Variants in KIF13B observed in about 807,000 individuals in gnomAD.
KIF13B encodes the protein kinesin family member 13B.
A neutral mutation model predicts 222.0 loss-of-function variants in KIF13B; 127 were observed. That is an observed-to-expected ratio of 0.57 (90% CI 0.50 to 0.66). The LOEUF is 0.66. Among genes scored for constraint, KIF13B ranks in the 30% least tolerant of loss-of-function variants. KIF13B has a pLI of 0.00. For missense variants in KIF13B, 2,173 were observed against 2,379.0 expected (o/e 0.91, Z 1.80); for synonymous variants, 976 against 919.0 (o/e 1.06, Z -1.12).
At position 29,140,498 on chromosome 8, in the gene KIF13B, G is replaced by A. The variant is rs184111514; in HGVS notation, c.2454C>T (p.Tyr818=). ...ESLFYDVKLQ[Y]AVPIINQKGE... is the part of the protein sequence containing the mutation. ...CTTTCTGGTTGATGATGGGAACAGC[G>A]TATTGTAACTTCACATCATAGAAAA... The change falls in exon 20 of 40, where the codon TAC becomes TAT. Residue 818 remains tyrosine, a synonymous_variant. Coordinates refer to ENST00000524189, the MANE Select transcript of KIF13B (RefSeq NM_015254.4). The A allele has an allele frequency of 2.1e-5, 34 of 1,613,904 alleles. No homozygotes were observed. The highest frequency in any genetic ancestry group is 1.0e-4 in the Admixed American group (6 of 60,014).
At chr8:29,263,094 G>T (rs918735910), upstream of KIF13B, 2 of 1,521,192 alleles carry the variant, frequency 1.3e-6, no homozygotes, top group Admixed American at 4.0e-5. Context: ...GCGACTCTTC[G>T]GGGTTGACCC....
intron 2 of KIF13B, among the ~76,000 whole-genome samples, chr8:29,224,666 C>CCA (rs1304809721): frequency 2.6e-5 from 4 of 151,246 alleles, no homozygotes; most frequent in Admixed American, 2.6e-4. Flanking sequence ...TATAGAACCC[C>CCA]CCCCCATTCA....
At chr8:29,234,651 G>T (rs1221008605) in intron 2 of KIF13B, among the ~76,000 whole-genome samples, 1 of 134,514 alleles carries the variant, frequency 7.4e-6, no homozygotes. Context: ...ATGGTTAAAT[G>T]ATTAATTTTC....
intron 3 of KIF13B, among the ~76,000 whole-genome samples, chr8:29,195,974 A>G (rs533513912): frequency 6.6e-6 from 1 of 152,396 alleles, no homozygotes; most frequent in Non-Finnish European, 1.5e-5. Context: ...GAGACCAGCC[A>G]GAAGTGGTCA....
chr8:29,074,007 T>G (rs944129985), intron 38 of KIF13B, among the ~76,000 whole-genome samples: 1 of 152,236 alleles, frequency 6.6e-6, no homozygotes, highest in Non-Finnish European at 1.5e-5. Context: ...ATTTTAGTTT[T>G]AATATCACTG....
intron 13 of KIF13B, among the ~76,000 whole-genome samples, chr8:29,158,755 A>G (rs979106504): frequency 6.6e-6 from 1 of 152,192 alleles, no homozygotes; most frequent in Non-Finnish European, 1.5e-5. Flanking sequence ...AGAAATCAAC[A>G]CTGCCTCAGA....
chr8:29,157,659 C>T (rs916722714), intron 13 of KIF13B, among the ~76,000 whole-genome samples: 2 of 151,682 alleles, frequency 1.3e-5, no homozygotes, highest in East Asian at 3.9e-4. Flanking sequence ...GAGCTGAGAT[C>T]GTGCCACTGC....
In KIF13B at chr8:29,208,187, T is replaced by C. The variant is rs1396861456; in HGVS notation, c.150-11988A>G. Among the ~76,000 whole-genome samples the C allele has an allele frequency of 5.9e-5, 9 of 152,318 alleles. No individual in the cohort carries two copies. In the East Asian group the frequency reaches 1.3e-3, roughly 23 times the overall value. On this transcript the variant is annotated intron_variant, in intron 2 of 39. Transcript: ENST00000524189. ...ATTGGTTGAAATGACCAAAAAAGTATCCTTTTTGGTGCTTAATGAGGTTTC... is the reference window on the plus strand; with the variant it reads ...ATTGGTTGAAATGACCAAAAAAGTACCCTTTTTGGTGCTTAATGAGGTTTC...
intron 37 of KIF13B, among the ~76,000 whole-genome samples, chr8:29,077,948 C>T (rs191207856): frequency 1.4e-4 from 22 of 151,934 alleles, no homozygotes; most frequent in Non-Finnish European, 2.4e-4. Context: ...ATAAGCAAAT[C>T]ACTAAAATCA....
chr8:29,188,721 C>G, intron 4 of KIF13B, 114 bp from the exon 5 acceptor site: 1 of 668,306 alleles, frequency 1.5e-6, no homozygotes, highest in Non-Finnish European at 2.5e-6. Flanking sequence ...TATCTCCAAA[C>G]AAGATTTTTA....
intron 14 of KIF13B, among the ~76,000 whole-genome samples, chr8:29,154,372 G>A (rs1811425115): frequency 6.6e-6 from 1 of 151,928 alleles, no homozygotes; most frequent in African/African-American, 2.4e-5. Context: ...AGAGGAGGAA[G>A]TGAGGCACAG....
Position 29,262,986 on chromosome 8 carries a change from G to C in KIF13B, c.49C>G (p.Arg17Gly). 1 of 1,592,118 alleles carries C rather than the reference G, an allele frequency of 6.3e-7. No homozygotes were observed. The highest frequency in any genetic ancestry group is 1.4e-5 in the African/African-American group (1 of 72,814). ...KVAVRIRPMN[R>G]RETDLHTKCV... ...AGGAGGGCTCGGCTCTCACCTCGCC[G>C]GTTCATGGGTCGTATCCGCACCGCC... The change falls in exon 1 of 40, where the codon CGG becomes GGG. Residue 17 changes from arginine to glycine, a missense_variant. Coordinates refer to ENST00000524189, the MANE Select transcript of KIF13B (RefSeq NM_015254.4).
intron 38 of KIF13B, among the ~76,000 whole-genome samples, chr8:29,074,198 C>T (rs1807449116): frequency 6.6e-6 from 1 of 152,202 alleles, no homozygotes; most frequent in Non-Finnish European, 1.5e-5. Flanking sequence ...GTATCATCAT[C>T]CCATTGGCTT....
intron 23 of KIF13B, 78 bp from the exon 24 acceptor site, chr8:29,130,743 G>C (rs1489807437): frequency 2.3e-6 from 3 of 1,331,258 alleles, no homozygotes; most frequent in Non-Finnish European, 3.2e-6. Flanking sequence ...ACACACATAA[G>C]AATTAACAAT....
chr8:29,132,522 GT>G (rs1810392169), intron 22 of KIF13B, 57 bp from the exon 23 acceptor site: 2 of 1,145,710 alleles, frequency 1.7e-6, no homozygotes, highest in Non-Finnish European at 2.3e-6. Flanking sequence ...TCTTATGATT[GT>G]TTATACCAGA....
At chr8:29,178,046 G>A (rs1014132692) in intron 8 of KIF13B, among the ~76,000 whole-genome samples, 2 of 152,090 alleles carry the variant, frequency 1.3e-5, no homozygotes, top group Non-Finnish European at 2.9e-5. Flanking sequence ...ACAATCTAAC[G>A]GTGGAGACAC....
At chr8:29,232,286 TA>T (rs1410722113) in intron 2 of KIF13B, among the ~76,000 whole-genome samples, 1 of 150,516 alleles carries the variant, frequency 6.6e-6, no homozygotes, top group Non-Finnish European at 1.5e-5. Context: ...TAATTAAAAA[TA>T]AATAAAAATT....
intron 13 of KIF13B, among the ~76,000 whole-genome samples, chr8:29,159,491 T>C (rs1171188300): frequency 6.6e-6 from 1 of 152,170 alleles, no homozygotes; most frequent in Non-Finnish European, 1.5e-5. Context: ...AATATGTGTA[T>C]AAGAAACCAT....
intron 24 of KIF13B, among the ~76,000 whole-genome samples, chr8:29,128,916 A>G (rs1435590145): frequency 6.6e-6 from 1 of 152,208 alleles, no homozygotes; most frequent in East Asian, 1.9e-4. Context: ...AAATGAGCCT[A>G]GCATTCAAGG....
Sources: gnomAD v4.1 joint callset for allele counts (sites outside exome capture counted in the v4.1 genomes callset) on GRCh38, gnomAD v4.1.1 for gene constraint, MANE v1.5 for transcripts, NCBI Gene and HGNC (gene_info 2026-07-23, HGNC 2026-07-21) for gene names.